KANK1: variants seen among roughly 807,000 people sequenced by gnomAD.
The protein encoded by KANK1 is KN motif and ankyrin repeat domains 1.
KANK1 carries 109 observed loss-of-function variants against 106.2 expected under a neutral mutation model. That is an observed-to-expected ratio of 1.03 (90% confidence interval 0.88 to 1.20). The LOEUF (loss-of-function observed/expected upper bound fraction) is 1.20. Ranked by LOEUF, KANK1 falls within the 50% of genes most tolerant of loss-of-function variation. The pLI is 0.00. For missense variants in KANK1, 2,399 were observed against 1,710.7 expected (o/e 1.40, Z -7.10); for synonymous variants, 873 against 652.2 (o/e 1.34, Z -5.16).
At chr9:546,362 C>G (rs2060928230) in intron 1 of KANK1, among the ~76,000 whole-genome samples, 1 of 151,978 alleles carries the variant, frequency 6.6e-6, no homozygotes, top group Non-Finnish European at 1.5e-5. Flanking sequence ...GCTAAACACT[C>G]TGCAGTGTCC....
At chr9:572,462 G>A (rs1368661178) in intron 1 of KANK1, among the ~76,000 whole-genome samples, 3 of 152,126 alleles carry the variant, frequency 2.0e-5, no homozygotes, top group African/African-American at 7.2e-5. Flanking sequence ...TGAGACAGGA[G>A]ACTGGCGTGA....
intron 4 of KANK1, 129 bp from the exon 5 acceptor site, chr9:731,029 T>C (rs1349085960): frequency 6.5e-6 from 3 of 461,076 alleles, no homozygotes; most frequent in Non-Finnish European, 7.8e-6. Flanking sequence ...TTGAATTTTG[T>C]GGAAACTTCT....
intron 2 of KANK1, among the ~76,000 whole-genome samples, chr9:701,616 C>T (rs1822689677): frequency 6.6e-6 from 1 of 152,066 alleles, no homozygotes; most frequent in South Asian, 2.1e-4. Context: ...GCACCCCAAG[C>T]AGCGACAACA....
chr9:638,907 T>C (rs1436892858), intron 1 of KANK1, among the ~76,000 whole-genome samples: 2 of 152,188 alleles, frequency 1.3e-5, no homozygotes. Flanking sequence ...TTAGGAGTAG[T>C]TCATTCCTTT....
intron 1 of KANK1, among the ~76,000 whole-genome samples, chr9:657,249 A>G (rs1334349665): frequency 6.6e-6 from 1 of 152,184 alleles, no homozygotes; most frequent in East Asian, 1.9e-4. Flanking sequence ...TGCATATACC[A>G]CATTTTCCTT....
chr9:503,411 C>G (rs1361362664), upstream of KANK1, among the ~76,000 whole-genome samples: 1 of 152,166 alleles, frequency 6.6e-6, no homozygotes, highest in African/African-American at 2.4e-5. Context: ...ACATATCTTC[C>G]GGCTGCCCTT....
At chr9:731,315 C>A in intron 5 of KANK1, 49 bp downstream of exon 5, 1 of 1,115,090 alleles carries the variant, frequency 9.0e-7, no homozygotes, top group Non-Finnish European at 1.3e-6. Flanking sequence ...GTCTCCTTTA[C>A]CTCCTGCCTA....
Position 593,453 on chromosome 9 carries a change from C to CT in KANK1, c.-83-83437_-83-83436insT, listed in dbSNP as rs1006670306. Among the ~76,000 whole-genome samples, 15 of 55,982 alleles carry CT rather than the reference C, an allele frequency of 2.7e-4. 1 individual carries two copies. The highest frequency in any genetic ancestry group is 5.3e-4 in the African/African-American group (15 of 28,480). The allele number at this position is 55,982 out of a possible 152,430, so 36.7% of individuals were successfully genotyped here. A position where few individuals can be genotyped will look rare whatever the true frequency, so the allele number is the denominator to read the frequency against. The stretch of plus-strand genomic sequence containing the variant: ...GGATATATTAGATCTTTATACATTC[C>CT]CCCCCCCCATATACTTGCATTTTTT... On this transcript the variant is annotated intron_variant, in intron 1 of 11. Coordinates refer to ENST00000382297, the MANE Select transcript of KANK1 (RefSeq NM_015158.5).
intron 2 of KANK1, 124 bp from the exon 3 acceptor site, chr9:710,680 C>T: frequency 1.7e-6 from 1 of 603,768 alleles, no homozygotes; most frequent in Non-Finnish European, 2.5e-6. Context: ...GATCCAGGTT[C>T]AAAACATAGG....
chr9:715,239 A>C (rs1589140238), intron 3 of KANK1, among the ~76,000 whole-genome samples: 1 of 152,184 alleles, frequency 6.6e-6, no homozygotes, highest in East Asian at 1.9e-4. Flanking sequence ...TTTTAGAATA[A>C]ACAGGATTAA....
chr9:651,983 A>C (rs1365565194), intron 1 of KANK1, among the ~76,000 whole-genome samples: 1 of 152,220 alleles, frequency 6.6e-6, no homozygotes, highest in East Asian at 1.9e-4. Flanking sequence ...GTTCAAAGCA[A>C]TAAATTTAGG....
chr9:614,950 T>TC (rs1003274539), intron 1 of KANK1, among the ~76,000 whole-genome samples: 119 of 150,846 alleles, frequency 7.9e-4, no homozygotes, highest in East Asian at 1.4e-3. Context: ...ATGGTACCCA[T>TC]CCCCCCCCTG....
intron 1 of KANK1, among the ~76,000 whole-genome samples, chr9:643,323 T>C (rs1838893570): frequency 6.6e-6 from 1 of 150,900 alleles, no homozygotes; most frequent in Non-Finnish European, 1.5e-5. Flanking sequence ...AGTTATTGTT[T>C]TAAGATCTGC....
chr9:720,911 A>T (rs931614334), intron 3 of KANK1, among the ~76,000 whole-genome samples: 2 of 152,238 alleles, frequency 1.3e-5, no homozygotes, highest in African/African-American at 4.8e-5. Flanking sequence ...GTTCCTAAAA[A>T]TTCACATGGA....
intron 1 of KANK1, among the ~76,000 whole-genome samples, chr9:553,075 G>A (rs1408393953): frequency 3.3e-5 from 5 of 152,158 alleles, no homozygotes; most frequent in Non-Finnish European, 5.9e-5. Context: ...GAGCCTAGGA[G>A]GTTGAGGCTG....
intron 1 of KANK1, among the ~76,000 whole-genome samples, chr9:619,427 C>T (rs1026359323): frequency 2.0e-5 from 3 of 152,056 alleles, no homozygotes; most frequent in Admixed American, 6.6e-5. Flanking sequence ...TATAATTGTC[C>T]CTTTGCCTAT....
intron 1 of KANK1, among the ~76,000 whole-genome samples, chr9:613,340 A>C (rs1021662949): frequency 6.6e-6 from 1 of 150,904 alleles, no homozygotes; most frequent in Non-Finnish European, 1.5e-5. Context: ...GTTGCTGGAG[A>C]TAGAGCAGAG....
At chr9:627,064 G>A (rs981219449) in intron 1 of KANK1, among the ~76,000 whole-genome samples, 16 of 152,216 alleles carry the variant, frequency 1.1e-4, no homozygotes, top group Middle Eastern at 3.4e-3. Context: ...GGAAAAAAAG[G>A]TGGGGGTTGG....
intron 1 of KANK1, among the ~76,000 whole-genome samples, chr9:518,203 C>G (rs1395510187): frequency 6.6e-6 from 1 of 151,828 alleles, no homozygotes; most frequent in Non-Finnish European, 1.5e-5. Flanking sequence ...TTCTTGGGAA[C>G]TTTTCAAAAG....
Sources: allele counts gnomAD v4.1 joint callset (sites outside exome capture counted in the v4.1 genomes callset), GRCh38; gene constraint gnomAD v4.1.1; transcripts MANE v1.5; gene names NCBI Gene and HGNC (gene_info 2026-07-23, HGNC 2026-07-21).